Variants in CNST observed in about 807,000 individuals in gnomAD.
The protein encoded by CNST is consortin, connexin sorting protein.
CNST carries 39 observed loss-of-function variants against 72.4 expected under a neutral mutation model. The ratio of observed to expected loss-of-function variants is 0.54; its 90% confidence interval spans 0.42 to 0.70. The LOEUF (loss-of-function observed/expected upper bound fraction) is 0.70. Among genes scored for constraint, CNST ranks in the 30% least tolerant of loss-of-function variants. The pLI is 0.00. For synonymous variants in CNST, 332 were observed against 320.1 expected (o/e 1.04, Z -0.40); for missense variants, 871 against 868.5 (o/e 1.00, Z -0.04).
At chr1:246,658,976 G>C (rs77061037) in intron 9 of CNST, among the ~76,000 whole-genome samples, 2 of 152,112 alleles carry the variant, frequency 1.3e-5, no homozygotes, top group Admixed American at 6.5e-5. Flanking sequence ...AGGGTTTTTG[G>C]TTTTGTTTCT....
intron 3 of CNST, among the ~76,000 whole-genome samples, chr1:246,629,627 C>A (rs1013448594): frequency 1.3e-5 from 2 of 152,162 alleles, no homozygotes; most frequent in African/African-American, 4.8e-5. Flanking sequence ...AAGAGCCAGA[C>A]ATTTTATTTT....
At chr1:246,614,866 C>G (rs1347811691) in intron 2 of CNST, among the ~76,000 whole-genome samples, 4 of 152,132 alleles carry the variant, frequency 2.6e-5, no homozygotes, top group Admixed American at 2.6e-4. Context: ...TTTTCCCAAT[C>G]ATGCAAAGAA....
chr1:246,566,842 T>C (rs1475780693), intron 1 of CNST, 179 bp downstream of exon 1: 6 of 395,370 alleles, frequency 1.5e-5, no homozygotes, highest in Non-Finnish European at 8.9e-6. Flanking sequence ...TCGCCTGTTT[T>C]CCTCTCCTTT....
intron 9 of CNST, among the ~76,000 whole-genome samples, chr1:246,653,819 C>CT (rs1158978440): frequency 6.6e-6 from 1 of 152,184 alleles, no homozygotes; most frequent in Non-Finnish European, 1.5e-5. Context: ...GTTTCATCTT[C>CT]TCCCCTCCAA....
chr1:246,615,402 C>G (rs561488817), intron 2 of CNST, among the ~76,000 whole-genome samples: 80 of 151,940 alleles, frequency 5.3e-4, no homozygotes, highest in African/African-American at 1.8e-3. Context: ...GTCTCGATCT[C>G]CTGACCTCGT....
At chr1:246,574,972 T>TTTTA (rs150720392) in intron 1 of CNST, among the ~76,000 whole-genome samples, 23,685 of 143,458 alleles carry the variant, frequency 0.17, 2,423 homozygotes, top group African/African-American at 0.28. Flanking sequence ...TCCTCAAGTA[T>TTTTA]TTTATTTATT....
intron 1 of CNST, among the ~76,000 whole-genome samples, chr1:246,587,821 G>A (rs1319942809): frequency 6.6e-6 from 1 of 152,172 alleles, no homozygotes; most frequent in Non-Finnish European, 1.5e-5. Context: ...GTGAAAGGCA[G>A]GATTGAGGAA....
intron 3 of CNST, among the ~76,000 whole-genome samples, chr1:246,631,643 GAGGTA>G (rs1434203955): frequency 3.3e-5 from 5 of 152,156 alleles, no homozygotes; most frequent in African/African-American, 9.7e-5. Context: ...ACTTTGACTT[GAGGTA>G]GAGTAGGAAG....
chr1:246,570,471 C>T (rs1433034404), intron 1 of CNST, among the ~76,000 whole-genome samples: 1 of 152,174 alleles, frequency 6.6e-6, no homozygotes, highest in South Asian at 2.1e-4. Context: ...TAATTTAATA[C>T]AGGAAACATG....
intron 9 of CNST, among the ~76,000 whole-genome samples, chr1:246,652,029 G>A (rs576917037): frequency 6.6e-6 from 1 of 152,298 alleles, no homozygotes; most frequent in African/African-American, 2.4e-5. Context: ...CTGGCACCAA[G>A]TGTGTTGTCT....
At chr1:246,649,049 T>G (rs1416245099) in intron 9 of CNST, among the ~76,000 whole-genome samples, 1 of 152,214 alleles carries the variant, frequency 6.6e-6, no homozygotes, top group Non-Finnish European at 1.5e-5. Context: ...TTAATTTTTT[T>G]CTTGCCAAAA....
intron 1 of CNST, among the ~76,000 whole-genome samples, chr1:246,568,702 G>A (rs1272766413): frequency 6.6e-6 from 1 of 152,084 alleles, no homozygotes; most frequent in Admixed American, 6.6e-5. Flanking sequence ...TCAGCCTCCC[G>A]AGTAGCTGGG....
At chr1:246,574,750 T>C (rs887779064) in intron 1 of CNST, among the ~76,000 whole-genome samples, 2 of 152,128 alleles carry the variant, frequency 1.3e-5, no homozygotes, top group South Asian at 4.1e-4. Context: ...TCAAGGAATA[T>C]GTTACTCAAA....
intron 9 of CNST, 85 bp from the exon 10 acceptor site, chr1:246,660,114 A>G: frequency 1.8e-6 from 2 of 1,129,802 alleles, no homozygotes; most frequent in South Asian, 1.8e-5. Flanking sequence ...AAATTCAAAT[A>G]TCTGTTGAAT....
intron 3 of CNST, among the ~76,000 whole-genome samples, chr1:246,624,324 C>T (rs756531289): frequency 6.6e-6 from 1 of 152,182 alleles, no homozygotes; most frequent in Non-Finnish European, 1.5e-5. Flanking sequence ...TTAGAGAATA[C>T]GGTGGTGGTT....
At chr1:246,573,539 G>A (rs924184095) in intron 1 of CNST, among the ~76,000 whole-genome samples, 4 of 152,178 alleles carry the variant, frequency 2.6e-5, no homozygotes, top group Non-Finnish European at 5.9e-5. Flanking sequence ...TCTGATGCCT[G>A]CGGGCTTTTT....
chr1:246,643,005 C>A (rs564527215), intron 8 of CNST, among the ~76,000 whole-genome samples: 1 of 150,292 alleles, frequency 6.7e-6, no homozygotes, highest in Non-Finnish European at 1.5e-5. Context: ...CCTCCCGCCT[C>A]AGTCTCTCCA....
chr1:246,618,179 G>A (rs550106132), intron 2 of CNST, among the ~76,000 whole-genome samples: 2 of 152,324 alleles, frequency 1.3e-5, no homozygotes, highest in South Asian at 4.1e-4. Context: ...CATTTCTTAT[G>A]TAGCAAAACC....
intron 2 of CNST, among the ~76,000 whole-genome samples, chr1:246,616,645 C>T (rs950465796): frequency 1.3e-5 from 2 of 152,246 alleles, no homozygotes; most frequent in African/African-American, 4.8e-5. Context: ...ACCTTCGCCT[C>T]CCGGGTTCAA....
Sources: allele counts gnomAD v4.1 joint callset (sites outside exome capture counted in the v4.1 genomes callset), GRCh38; gene constraint gnomAD v4.1.1; transcripts MANE v1.5; gene names NCBI Gene and HGNC (gene_info 2026-07-23, HGNC 2026-07-21).